CDH13: variants seen among roughly 807,000 people sequenced by gnomAD.
CDH13 encodes the protein cadherin-13.
A neutral mutation model predicts 63.8 loss-of-function variants in CDH13; 24 were observed. That is an observed-to-expected ratio of 0.38 (90% CI 0.27 to 0.53). The LOEUF is 0.53. Among genes scored for constraint, CDH13 ranks in the 20% least tolerant of loss-of-function variants. The pLI, the probability that CDH13 is intolerant of heterozygous loss-of-function variation, is 0.85. For missense variants in CDH13, 1,049 were observed against 903.1 expected (o/e 1.16, Z -2.07); for synonymous variants, 503 against 355.3 (o/e 1.42, Z -4.67).
intron 7 of CDH13, among the ~76,000 whole-genome samples, chr16:83,523,977 G>C (rs1440930635): frequency 2.0e-5 from 3 of 152,190 alleles, no homozygotes; most frequent in Non-Finnish European, 4.4e-5. Context: ...GTCCCCAGGA[G>C]TATTTGCACC....
At chr16:82,719,827 C>A (rs1320148197) in intron 1 of CDH13, among the ~76,000 whole-genome samples, 2 of 112,938 alleles carry the variant, frequency 1.8e-5, no homozygotes, top group Non-Finnish European at 3.3e-5. Context: ...GCCTGGGCAA[C>A]AGAGAGAGAC....
In CDH13 at chr16:83,795,644, A is replaced by T. The variant is rs900578070; in HGVS notation, c.*614A>T. Reference sequence around the variant, plus strand: ...CACAACCAGCCAGGCAGGTCCACAGAGAGGGAGAGCAGAGAAAGAAGTCCT... The same window carrying T: ...CACAACCAGCCAGGCAGGTCCACAGTGAGGGAGAGCAGAGAAAGAAGTCCT... On this transcript the variant is annotated 3_prime_UTR_variant, in exon 14 of 14. Transcript: ENST00000567109. 6.6e-6 allele frequency: 1 copy of T among 152,246 alleles called. No homozygotes were observed. Among genetic ancestry groups the T allele is most frequent in the Non-Finnish European group, 1.5e-5 (1 of 68,096 alleles). The allele number at this position is 152,246 out of a possible 1,614,324, so 9.4% of individuals were successfully genotyped here.
At chr16:82,679,118 G>A (rs894967029) in intron 1 of CDH13, among the ~76,000 whole-genome samples, 18 of 152,316 alleles carry the variant, frequency 1.2e-4, no homozygotes, top group Admixed American at 8.5e-4. Flanking sequence ...AAGCTTGCCC[G>A]AGGAACGCCA....
intron 5 of CDH13, among the ~76,000 whole-genome samples, chr16:83,237,753 A>G (rs1373401810): frequency 6.6e-6 from 1 of 152,196 alleles, no homozygotes; most frequent in East Asian, 1.9e-4. Flanking sequence ...CATTTGTAGA[A>G]AGGTAGAAAT....
chr16:82,791,551 C>T (rs1353809563), intron 1 of CDH13, among the ~76,000 whole-genome samples: 3 of 152,154 alleles, frequency 2.0e-5, no homozygotes, highest in Non-Finnish European at 4.4e-5. Flanking sequence ...AGTGAACACT[C>T]TTCTGGTCTG....
intron 7 of CDH13, among the ~76,000 whole-genome samples, chr16:83,600,669 TG>T (rs1453787262): frequency 1.3e-5 from 2 of 152,204 alleles, no homozygotes; most frequent in Non-Finnish European, 2.9e-5. Context: ...GGACTATTTA[TG>T]TGATTGTAAA....
intron 1 of CDH13, among the ~76,000 whole-genome samples, chr16:82,738,551 G>A (rs977655528): frequency 1.1e-4 from 16 of 152,096 alleles, no homozygotes; most frequent in South Asian, 2.1e-4. Flanking sequence ...TTAGCCCTCC[G>A]CTACCTTTTC....
intron 2 of CDH13, among the ~76,000 whole-genome samples, chr16:82,888,222 C>A (rs2040958873): frequency 1.3e-5 from 2 of 152,304 alleles, no homozygotes; most frequent in South Asian, 4.1e-4. Flanking sequence ...AAAGGCAAAT[C>A]AGACGGGCGC....
chr16:83,216,651 TC>T (rs1324776065), intron 4 of CDH13, among the ~76,000 whole-genome samples: 1 of 144,984 alleles, frequency 6.9e-6, no homozygotes, highest in African/African-American at 2.5e-5. Context: ...ATATTATATA[TC>T]ATATTTAGGG....
intron 7 of CDH13, among the ~76,000 whole-genome samples, chr16:83,512,344 A>G (rs1246837121): frequency 1.4e-5 from 2 of 146,220 alleles, no homozygotes; most frequent in African/African-American, 2.5e-5. Context: ...AAATAAATAA[A>G]TAAATAAATA....
At chr16:83,565,793 T>G (rs1014357898) in intron 7 of CDH13, among the ~76,000 whole-genome samples, 2 of 152,252 alleles carry the variant, frequency 1.3e-5, no homozygotes, top group Non-Finnish European at 1.5e-5. Context: ...ATTTATTCTT[T>G]TCTGGCTTCT....
At position 82,759,857 on chromosome 16, in the gene CDH13, T is replaced by A. The variant is rs546324747; in HGVS notation, c.46-98505T>A. ...ACGCACTGCGCCTCTGTTGCCATAA[T>A]TCAGCAGATTCACCCTTTCCTTATA... is the stretch of plus-strand genomic sequence containing the variant. On this transcript the variant is annotated intron_variant, in intron 1 of 13. Coordinates refer to ENST00000567109, the MANE Select transcript of CDH13 (RefSeq NM_001257.5). Among the ~76,000 whole-genome samples, 10 of 152,252 alleles carry A rather than the reference T, an allele frequency of 6.6e-5. No homozygotes were observed. In the South Asian group the frequency reaches 1.9e-3, roughly 28 times the overall value.
chr16:83,178,109 G>A (rs1187695986), intron 4 of CDH13, among the ~76,000 whole-genome samples: 1 of 152,096 alleles, frequency 6.6e-6, no homozygotes, highest in African/African-American at 2.4e-5. Context: ...CCACTGAAAA[G>A]CCCTGGTTTT....
rs147368924 is a variant in CDH13, at chr16:83,277,358, C to T, written c.636+59861C>T. 3.9e-5 allele frequency among the ~76,000 whole-genome samples: 6 copies of T among 152,282 alleles called. No homozygotes were observed. In the East Asian group the frequency reaches 1.2e-3, roughly 29 times the overall value. On this transcript the variant is annotated intron_variant, in intron 5 of 13. Coordinates refer to ENST00000567109, the MANE Select transcript of CDH13 (RefSeq NM_001257.5). ...CAAAGTATGGGGAGTTTATTAAAAA[C>T]TCAGATGCCTAAACCATACTCCGAA...
intron 8 of CDH13, among the ~76,000 whole-genome samples, chr16:83,649,692 G>A (rs927444779): frequency 6.6e-6 from 1 of 152,098 alleles, no homozygotes; most frequent in African/African-American, 2.4e-5. Flanking sequence ...AAAGGGAGGG[G>A]GCCTGTGGGT....
At chr16:83,517,820 AT>A (rs1047162155) in intron 7 of CDH13, among the ~76,000 whole-genome samples, 126 of 152,188 alleles carry the variant, frequency 8.3e-4, no homozygotes, top group African/African-American at 3.0e-3. Flanking sequence ...TTTAATGGTA[AT>A]AGAATACACG....
chr16:83,692,875 A>C (rs961474038), intron 10 of CDH13, among the ~76,000 whole-genome samples: 7 of 152,140 alleles, frequency 4.6e-5, no homozygotes, highest in African/African-American at 1.7e-4. Context: ...CGAGGTCAGG[A>C]GTTCAAGACC....
At chr16:83,021,651 A>C (rs1025848178) in intron 2 of CDH13, among the ~76,000 whole-genome samples, 3 of 152,186 alleles carry the variant, frequency 2.0e-5, no homozygotes, top group Non-Finnish European at 4.4e-5. Flanking sequence ...TTGAAACTCT[A>C]TTTTATCAAA....
chr16:83,051,035 C>G (rs2030267966), intron 3 of CDH13, among the ~76,000 whole-genome samples: 4 of 152,320 alleles, frequency 2.6e-5, no homozygotes, highest in African/African-American at 7.2e-5. Flanking sequence ...CCAGCCAAGA[C>G]AGGGCCACTT....
Sources: allele counts gnomAD v4.1 joint callset (sites outside exome capture counted in the v4.1 genomes callset), GRCh38; gene constraint gnomAD v4.1.1; transcripts MANE v1.5; gene names NCBI Gene and HGNC (gene_info 2026-07-23, HGNC 2026-07-21).